The following SPATA6L variants were observed in gnomAD, a reference collection of about 807,000 sequenced individuals.
The protein encoded by SPATA6L is spermatogenesis associated 6 like.
SPATA6L carries 68 observed loss-of-function variants against 49.2 expected under a neutral mutation model. The observed-to-expected ratio is 1.38, with a 90% CI of 1.14 to 1.69. The LOEUF is 1.69. Among genes scored for constraint, SPATA6L ranks in the 40% most tolerant of loss-of-function variants. SPATA6L has a pLI of 0.00. For synonymous variants in SPATA6L, 198 were observed against 165.7 expected (o/e 1.19, Z -1.50); for missense variants, 668 against 464.3 (o/e 1.44, Z -4.03).
At chr9:4,610,879 A>C (rs963023425) in intron 9 of SPATA6L, among the ~76,000 whole-genome samples, 71 of 151,738 alleles carry the variant, frequency 4.7e-4, no homozygotes, top group African/African-American at 1.5e-3. Flanking sequence ...AATGGGAGAA[A>C]ATTTTTGCAA....
Position 4,618,080 on chromosome 9 carries a change from A to C in SPATA6L, c.838T>G (p.Leu280Val), listed in dbSNP as rs1279650481. The C allele has an allele frequency of 3.7e-6, 6 of 1,612,700 alleles. No homozygotes were observed. The South Asian group carries it at 6.6e-5, about 18-fold the overall frequency. The change falls in exon 9 of 12, where the codon TTA becomes GTA. Residue 280 changes from leucine (L) to valine (V), a missense_variant. By Grantham distance (32) the Leu-to-Val change is conservative. Transcript: ENST00000682582. ...AAACATGATGATGAGTCACTCCTTA[A>C]AACAATCCGTTCATCTGGCTCTTTG... ...VIKEPDERIVLRSDSSSCLDS... is the reference protein window; with the variant it reads ...VIKEPDERIVVRSDSSSCLDS...
At chr9:4,601,264 A>C (rs546694907) in intron 11 of SPATA6L, among the ~76,000 whole-genome samples, 1 of 148,562 alleles carries the variant, frequency 6.7e-6, no homozygotes, top group South Asian at 2.1e-4. Context: ...TTTTTGATGG[A>C]GTCTTGCTCT....
intron 9 of SPATA6L, among the ~76,000 whole-genome samples, chr9:4,613,322 T>C (rs1827216800): frequency 6.6e-6 from 1 of 152,142 alleles, no homozygotes; most frequent in Non-Finnish European, 1.5e-5. Flanking sequence ...GGAAATCCAG[T>C]TGTTACTATG....
intron 6 of SPATA6L, 108 bp from the exon 7 acceptor site, chr9:4,622,618 G>A (rs1327110232): frequency 4.0e-6 from 3 of 741,016 alleles, no homozygotes; most frequent in Non-Finnish European, 6.6e-6. Context: ...ACACGGGTTG[G>A]AAAAAGAAGG....
chr9:4,644,659 TCTC>T (rs1474743983), intron 3 of SPATA6L, among the ~76,000 whole-genome samples: 1 of 122,456 alleles, frequency 8.2e-6, no homozygotes, highest in Non-Finnish European at 1.7e-5. Context: ...TTTTCAGTAT[TCTC>T]TCTCTCTCTC....
intron 9 of SPATA6L, among the ~76,000 whole-genome samples, chr9:4,606,251 G>T (rs112648498): frequency 0.054 from 7,581 of 139,374 alleles, 284 homozygotes; most frequent in African/African-American, 0.078. Context: ...CAGGCTTGCT[G>T]AGGTAAACAA....
chr9:4,666,137 G>C (rs1316608651), intron 1 of SPATA6L, 75 bp downstream of exon 1: 2 of 1,336,778 alleles, frequency 1.5e-6, no homozygotes, highest in East Asian at 2.3e-5. Flanking sequence ...ATGTGGGGGA[G>C]GGTTGTTGAA....
intron 11 of SPATA6L, among the ~76,000 whole-genome samples, chr9:4,602,926 T>C (rs1564107079): frequency 6.6e-6 from 1 of 152,186 alleles, no homozygotes; most frequent in Admixed American, 6.5e-5. Context: ...ATTTGTTTAA[T>C]ACATGTGAAG....
At chr9:4,648,714 T>TAAATAAATAAATAAATAAATACATAAA in intron 3 of SPATA6L, among the ~76,000 whole-genome samples, 1 of 145,208 alleles carries the variant, frequency 6.9e-6, no homozygotes, top group Non-Finnish European at 1.5e-5. Context: ...AATAAATAAA[T>TAAATAAATAAATAAATAAATACATAAA]TAAATAAATA....
In SPATA6L at chr9:4,605,428, A is replaced by T; in HGVS notation, c.1008T>A (p.Gly336=). Residue 336 remains glycine, a synonymous_variant, in exon 10 of 12, where the codon GGT becomes GGA. Coordinates refer to ENST00000682582, the MANE Select transcript of SPATA6L (RefSeq NM_001353486.2). The stretch of plus-strand genomic sequence containing the variant: ...GGATATTCTTCCATGTGGACTGAGA[A>T]CCAGGATGGAACCTGCTCAACAGAT... ...QPLLRERFHP[G]SQSTWKNIHE... 1 of 1,613,944 alleles carries T rather than the reference A, an allele frequency of 6.2e-7. No individual in the cohort carries two copies. Among genetic ancestry groups the T allele is most frequent in the Non-Finnish European group, 8.5e-7 (1 of 1,179,790 alleles).
intron 3 of SPATA6L, among the ~76,000 whole-genome samples, chr9:4,652,578 G>C (rs569439160): frequency 6.6e-6 from 1 of 151,844 alleles, no homozygotes; most frequent in East Asian, 1.9e-4. Context: ...GGCTGGGTAC[G>C]GTGTCTCATA....
chr9:4,595,819 T>C (rs1822210484), downstream of SPATA6L, among the ~76,000 whole-genome samples: 1 of 152,206 alleles, frequency 6.6e-6, no homozygotes, highest in South Asian at 2.1e-4. Flanking sequence ...TGAAATTGAG[T>C]TCCACAAACC....
intron 3 of SPATA6L, among the ~76,000 whole-genome samples, chr9:4,655,732 G>A (rs1200666104): frequency 6.6e-6 from 1 of 152,030 alleles, no homozygotes; most frequent in African/African-American, 2.4e-5. Context: ...TGTATTTTTA[G>A]TAGAGATGGG....
intron 10 of SPATA6L, 108 bp from the exon 11 acceptor site, chr9:4,604,377 C>A: frequency 1.5e-6 from 1 of 668,360 alleles, no homozygotes; most frequent in East Asian, 2.8e-5. Context: ...CCCATTTATG[C>A]CGTTATATGG....
Position 4,636,978 on chromosome 9 carries a change from G to A in SPATA6L, c.227-1579C>T, listed in dbSNP as rs143119195. On this transcript the variant is annotated intron_variant, in intron 3 of 11. Coordinates refer to ENST00000682582, the MANE Select transcript of SPATA6L (RefSeq NM_001353486.2). ...TCTCCTGCACTCAAATCCATTGTCCGCACGCTGCAACGTTTTAAATACATC... is the reference window on the plus strand; with the variant it reads ...TCTCCTGCACTCAAATCCATTGTCCACACGCTGCAACGTTTTAAATACATC... 7.9e-5 allele frequency among the ~76,000 whole-genome samples: 12 copies of A among 152,082 alleles called. No homozygotes were observed. In the South Asian group the frequency reaches 1.0e-3, roughly 13 times the overall value.
chr9:4,599,855 G>T lies in SPATA6L; in HGVS notation c.*956C>A, dbSNP rs1330525799. Among the ~76,000 whole-genome samples, 1 of 152,188 alleles carries T rather than the reference G, an allele frequency of 6.6e-6. No individual in the cohort carries two copies. ...AAACATTCACACTATAGTAGGGCTG[G>T]TAGAGGAAAATGCTATGCTTACACT... On this transcript the variant is annotated 3_prime_UTR_variant, in exon 12 of 12. Coordinates refer to ENST00000682582, the MANE Select transcript of SPATA6L (RefSeq NM_001353486.2).
intron 11 of SPATA6L, among the ~76,000 whole-genome samples, chr9:4,602,314 G>A (rs375652911): frequency 2.8e-4 from 43 of 152,096 alleles, no homozygotes; most frequent in African/African-American, 9.2e-4. Flanking sequence ...TTGCCTAGAC[G>A]GCAATTATTT....
chr9:4,660,995 C>T (rs569881025), intron 2 of SPATA6L, among the ~76,000 whole-genome samples: 1 of 151,970 alleles, frequency 6.6e-6, no homozygotes, highest in African/African-American at 2.4e-5. Flanking sequence ...AACACTTGGA[C>T]ACAGGGTGGG....
intron 2 of SPATA6L, among the ~76,000 whole-genome samples, chr9:4,656,767 CCA>C (rs1838332030): frequency 6.6e-6 from 1 of 152,098 alleles, no homozygotes; most frequent in Non-Finnish European, 1.5e-5. Context: ...TAAATCAACC[CCA>C]GAGTGTTGTT....
Sources: gnomAD v4.1 joint callset for allele counts (sites outside exome capture counted in the v4.1 genomes callset) on GRCh38, gnomAD v4.1.1 for gene constraint, MANE v1.5 for transcripts, NCBI Gene and HGNC (gene_info 2026-07-23, HGNC 2026-07-21) for gene names.